The following GMDS variants were observed in gnomAD, a reference collection of about 807,000 sequenced individuals.
The protein encoded by GMDS is GDP-mannose 4,6 dehydratase.
In GMDS, 20 loss-of-function variants were observed where a neutral mutation model predicts 49.9. The observed-to-expected ratio is 0.40, with a 90% confidence interval of 0.28 to 0.58. The LOEUF is 0.58. Among genes scored for constraint, GMDS ranks in the 20% least tolerant of loss-of-function variants. The pLI, the probability that GMDS is intolerant of heterozygous loss-of-function variation, is 0.42. For synonymous variants in GMDS, 177 were observed against 178.6 expected, an observed-to-expected ratio of 0.99 and a Z score of 0.07; for missense variants, 362 against 481.4, an observed-to-expected ratio of 0.75 and a Z score of 2.32.
chr6:2,131,033 T>C (rs1035144536), intron 1 of GMDS, among the ~76,000 whole-genome samples: 1 of 152,156 alleles, frequency 6.6e-6, no homozygotes, highest in African/African-American at 2.4e-5. Flanking sequence ...TGTACAAAAT[T>C]GACTAATTTT....
At chr6:1,698,006 G>A (rs1261815122) in intron 9 of GMDS, among the ~76,000 whole-genome samples, 2 of 152,318 alleles carry the variant, frequency 1.3e-5, no homozygotes, top group African/African-American at 2.4e-5. Flanking sequence ...GGGGAGTCAA[G>A]CATATCATTT....
At position 1,826,228 on chromosome 6, in the gene GMDS, T is replaced by C. The variant is rs116780101; in HGVS notation, c.772-83642A>G. On this transcript the variant is annotated intron_variant, in intron 7 of 10. Transcript: ENST00000380815. ...AATAAGGTAATTGTGCTATGATGTT[T>C]GGATGGCTACCACGTCACTACATGA... 4.8e-3 allele frequency among the ~76,000 whole-genome samples: 731 copies of C among 152,320 alleles called. 5 individuals are homozygous for C. Among genetic ancestry groups the C allele is most frequent in the African/African-American group, 0.016 (684 of 41,582 alleles).
intron 9 of GMDS, among the ~76,000 whole-genome samples, chr6:1,625,833 G>A (rs1375962856): frequency 2.0e-5 from 3 of 152,228 alleles, no homozygotes; most frequent in Non-Finnish European, 4.4e-5. Context: ...CACATCAGAT[G>A]TGATTCCTCG....
At chr6:1,926,775 C>T (rs1025484726) in intron 7 of GMDS, among the ~76,000 whole-genome samples, 1 of 152,142 alleles carries the variant, frequency 6.6e-6, no homozygotes, top group African/African-American at 2.4e-5. Flanking sequence ...ACTGAATAAA[C>T]GTAATTTAGA....
intron 4 of GMDS, among the ~76,000 whole-genome samples, chr6:2,113,902 TAAGAA>T (rs1353170510): frequency 1.3e-5 from 2 of 151,926 alleles, no homozygotes; most frequent in Non-Finnish European, 2.9e-5. Flanking sequence ...AACTAACCAT[TAAGAA>T]AAGCAGCCAA....
chr6:1,817,214 C>A (rs1581216067), intron 7 of GMDS, among the ~76,000 whole-genome samples: 2 of 151,902 alleles, frequency 1.3e-5, no homozygotes, highest in East Asian at 3.9e-4. Context: ...TCTGCATTTT[C>A]TTTTAACTTG....
intron 1 of GMDS, among the ~76,000 whole-genome samples, chr6:2,196,957 G>T (rs977304279): frequency 6.6e-6 from 1 of 152,088 alleles, no homozygotes; most frequent in Non-Finnish European, 1.5e-5. Flanking sequence ...GATTCTAAAC[G>T]GATACTTGTC....
intron 4 of GMDS, among the ~76,000 whole-genome samples, chr6:2,006,343 G>A (rs1314593087): frequency 2.0e-5 from 3 of 151,974 alleles, no homozygotes; most frequent in Non-Finnish European, 2.9e-5. Flanking sequence ...TGGGAAGATC[G>A]CTTGAGCCTA....
intron 1 of GMDS, among the ~76,000 whole-genome samples, chr6:2,147,166 G>A (rs867503271): frequency 6.6e-6 from 1 of 152,158 alleles, no homozygotes; most frequent in South Asian, 2.1e-4. Flanking sequence ...GCAGTATACT[G>A]GGATGAAGAG....
intron 4 of GMDS, among the ~76,000 whole-genome samples, chr6:2,073,776 G>A (rs1022150022): frequency 6.6e-6 from 1 of 152,090 alleles, no homozygotes; most frequent in African/African-American, 2.4e-5. Context: ...TTATCTTTCT[G>A]TGCCTGGGTT....
intron 7 of GMDS, among the ~76,000 whole-genome samples, chr6:1,911,179 A>G (rs1411051151): frequency 6.6e-6 from 1 of 152,186 alleles, no homozygotes; most frequent in Non-Finnish European, 1.5e-5. Context: ...CTTTCCCTAC[A>G]TACTGATCCG....
intron 1 of GMDS, among the ~76,000 whole-genome samples, chr6:2,229,940 C>T (rs1270166634): frequency 6.6e-6 from 1 of 152,216 alleles, no homozygotes; most frequent in East Asian, 1.9e-4. Context: ...GCAGCTTCCA[C>T]CTCCACATTC....
intron 6 of GMDS, among the ~76,000 whole-genome samples, chr6:1,932,063 C>A (rs1000922169): frequency 6.6e-6 from 1 of 152,138 alleles, no homozygotes; most frequent in Non-Finnish European, 1.5e-5. Context: ...GCGCAACGCA[C>A]GTGAGAAATG....
chr6:1,849,847 TTCTA>T (rs1757578613), intron 7 of GMDS, among the ~76,000 whole-genome samples: 1 of 152,176 alleles, frequency 6.6e-6, no homozygotes, highest in East Asian at 1.9e-4. Flanking sequence ...TTGCAATCCC[TTCTA>T]TCTAACAAAG....
chr6:2,129,317 G>A (rs978180453), intron 1 of GMDS, among the ~76,000 whole-genome samples: 2 of 152,026 alleles, frequency 1.3e-5, no homozygotes, highest in African/African-American at 2.4e-5. Context: ...CCATCCTCCC[G>A]CAACACAGGA....
chr6:1,834,686 T>G (rs1756841896), intron 7 of GMDS, among the ~76,000 whole-genome samples: 1 of 152,242 alleles, frequency 6.6e-6, no homozygotes, highest in African/African-American at 2.4e-5. Context: ...TTATATAAAC[T>G]ATAACTTATT....
intron 9 of GMDS, among the ~76,000 whole-genome samples, chr6:1,638,831 A>T (rs1438617694): frequency 6.6e-6 from 1 of 152,110 alleles, no homozygotes; most frequent in Non-Finnish European, 1.5e-5. Context: ...ACTGAGGGAG[A>T]CCATGTTTTC....
chr6:1,994,266 A>G (rs1441809905), intron 4 of GMDS, among the ~76,000 whole-genome samples: 1 of 152,164 alleles, frequency 6.6e-6, no homozygotes, highest in Non-Finnish European at 1.5e-5. Flanking sequence ...CCCCTTTCCA[A>G]TTCTCTCAAC....
chr6:2,156,122 T>C (rs1320881815), intron 1 of GMDS, among the ~76,000 whole-genome samples: 1 of 152,174 alleles, frequency 6.6e-6, no homozygotes, highest in Non-Finnish European at 1.5e-5. Flanking sequence ...TTTTCTTGCT[T>C]TAAATATTTT....
Sources: gnomAD v4.1 joint callset for allele counts (sites outside exome capture counted in the v4.1 genomes callset) on GRCh38, gnomAD v4.1.1 for gene constraint, MANE v1.5 for transcripts, NCBI Gene and HGNC (gene_info 2026-07-23, HGNC 2026-07-21) for gene names.